The following RUNX2 variants were observed in gnomAD, a reference collection of about 807,000 sequenced individuals.
RUNX2 encodes RUNX family transcription factor 2, also known as runt-related transcription factor 2.
RUNX2 carries 10 observed loss-of-function variants against 51.7 expected under a neutral mutation model. The ratio of observed to expected loss-of-function variants is 0.19; its 90% CI spans 0.12 to 0.33. The LOEUF (loss-of-function observed/expected upper bound fraction) is 0.33. Among genes scored for constraint, RUNX2 ranks in the 10% least tolerant of loss-of-function variants. The probability of loss-of-function intolerance (pLI) is 1.00; values close to 1 mark genes in which losing one functional copy is unlikely to be tolerated. For missense variants in RUNX2, 562 were observed against 691.3 expected (o/e 0.81, Z 2.10); for synonymous variants, 276 against 273.6 (o/e 1.01, Z -0.09).
At chr6:45,536,323 G>T (rs1053859291) in intron 7 of RUNX2, among the ~76,000 whole-genome samples, 2 of 152,124 alleles carry the variant, frequency 1.3e-5, no homozygotes, top group Non-Finnish European at 2.9e-5. Context: ...GTCCTCACAG[G>T]ATACAGTTTG....
intron 2 of RUNX2, among the ~76,000 whole-genome samples, chr6:45,341,976 G>A (rs752901931): frequency 6.6e-6 from 1 of 151,858 alleles, no homozygotes; most frequent in African/African-American, 2.4e-5. Context: ...ATAACATGGT[G>A]ATTTAGTAGT....
At chr6:45,505,664 CAG>C (rs773543609) in intron 6 of RUNX2, among the ~76,000 whole-genome samples, 51 of 152,156 alleles carry the variant, frequency 3.4e-4, no homozygotes, top group Admixed American at 1.0e-3. Flanking sequence ...CAACTTGAGA[CAG>C]AGGAACCACC....
chr6:45,396,129 A>G (rs1217665027), intron 2 of RUNX2, among the ~76,000 whole-genome samples: 1 of 152,222 alleles, frequency 6.6e-6, no homozygotes, highest in East Asian at 1.9e-4. Context: ...CCTAATAGAT[A>G]CCATAATATG....
intron 2 of RUNX2, among the ~76,000 whole-genome samples, chr6:45,382,015 C>A (rs1797249930): frequency 6.6e-6 from 1 of 152,084 alleles, no homozygotes; most frequent in South Asian, 2.1e-4. Context: ...TGCTTGGCTG[C>A]TGAAAAAATG....
rs114897742 is a variant in RUNX2 at position 45,547,152 on chromosome 6, G to C, written c.1413G>C (p.Pro471=). 3.7e-6 allele frequency: 6 copies of C among 1,613,930 alleles called. No individual in the cohort carries two copies. Among genetic ancestry groups the C allele is most frequent in the Non-Finnish European group, 8.5e-7 (1 of 1,180,022 alleles). ...GGDRSPSRML[P]PCTTTSNGST... ...ACCGGTCTCCTTCCAGAATGCTTCC[G>C]CCATGCACCACCACCTCGAATGGCA... Residue 471 remains proline, a synonymous_variant, in exon 9 of 9, where the codon CCG becomes CCC. Transcript: ENST00000647337.
intron 2 of RUNX2, among the ~76,000 whole-genome samples, chr6:45,410,814 G>T (rs1797935392): frequency 6.6e-6 from 1 of 152,166 alleles, no homozygotes. Flanking sequence ...GAAACAATTA[G>T]TTTGGCATAT....
At chr6:45,370,575 GAT>G (rs768452346) in intron 2 of RUNX2, among the ~76,000 whole-genome samples, 10 of 152,156 alleles carry the variant, frequency 6.6e-5, no homozygotes, top group Non-Finnish European at 1.2e-4. Context: ...TTTGTATAAG[GAT>G]ATAAGGATCA....
chr6:45,426,531 T>C (rs187530154), intron 3 of RUNX2, among the ~76,000 whole-genome samples: 54 of 152,326 alleles, frequency 3.5e-4, no homozygotes, highest in African/African-American at 1.3e-3. Flanking sequence ...TTAGTTGCCT[T>C]AAATAGCTTC....
At chr6:45,328,929 A>T (rs1786905412) in intron 2 of RUNX2, 145 bp downstream of exon 2, 1 of 868,194 alleles carries the variant, frequency 1.2e-6, no homozygotes, top group Admixed American at 2.2e-5. Context: ...TTGAAAAATG[A>T]AATTTCTGTA....
intron 3 of RUNX2, among the ~76,000 whole-genome samples, chr6:45,430,697 A>C (rs956966447): frequency 2.6e-5 from 4 of 152,172 alleles, no homozygotes; most frequent in African/African-American, 4.8e-5. Flanking sequence ...TAGAAGGAGA[A>C]AAAGATAAGT....
intron 2 of RUNX2, among the ~76,000 whole-genome samples, chr6:45,418,423 A>G (rs1437346096): frequency 6.6e-6 from 1 of 152,210 alleles, no homozygotes; most frequent in Non-Finnish European, 1.5e-5. Context: ...TTTCAGAAAA[A>G]AAGTGTATAC....
intron 2 of RUNX2, among the ~76,000 whole-genome samples, chr6:45,351,367 G>A (rs951882910): frequency 5.3e-5 from 8 of 151,932 alleles, no homozygotes; most frequent in Non-Finnish European, 1.0e-4. Flanking sequence ...TACGTACCAG[G>A]CACTGTAAAA....
chr6:45,461,149 T>C (rs1799465517), intron 5 of RUNX2, among the ~76,000 whole-genome samples: 1 of 152,158 alleles, frequency 6.6e-6, no homozygotes, highest in South Asian at 2.1e-4. Context: ...GAAAATCACA[T>C]TGAATAGGTA....
At chr6:45,394,958 G>GT (rs1302995908) in intron 2 of RUNX2, among the ~76,000 whole-genome samples, 1 of 152,044 alleles carries the variant, frequency 6.6e-6, no homozygotes, top group Non-Finnish European at 1.5e-5. Flanking sequence ...ATGGGTGTGT[G>GT]TGGGGGGGAG....
chr6:45,526,886 G>A (rs958928217), intron 7 of RUNX2, among the ~76,000 whole-genome samples: 8 of 152,156 alleles, frequency 5.3e-5, no homozygotes, highest in Non-Finnish European at 1.2e-4. Flanking sequence ...TTAATAGGTT[G>A]TTATGGGGAC....
At chr6:45,377,937 C>G (rs1269719669) in intron 2 of RUNX2, 2 of 138,144 alleles carry the variant, frequency 1.4e-5, no homozygotes, top group South Asian at 2.3e-4. Flanking sequence ...GGCTGTGTGA[C>G]GGGGCGATGG....
At chr6:45,333,669 C>T (rs547813376) in intron 2 of RUNX2, among the ~76,000 whole-genome samples, 1 of 151,192 alleles carries the variant, frequency 6.6e-6, no homozygotes, top group South Asian at 2.1e-4. Flanking sequence ...ATCATTTAAC[C>T]TGATATAAAA....
chr6:45,351,075 C>T (rs760150646), intron 2 of RUNX2, among the ~76,000 whole-genome samples: 2 of 152,240 alleles, frequency 1.3e-5, no homozygotes, highest in Non-Finnish European at 2.9e-5. Flanking sequence ...CAAAACCATA[C>T]GCCCCATGTC....
chr6:45,374,397 T>A (rs904952623), intron 2 of RUNX2, among the ~76,000 whole-genome samples: 1 of 152,218 alleles, frequency 6.6e-6, no homozygotes, highest in Non-Finnish European at 1.5e-5. Flanking sequence ...CATTACCATC[T>A]TCATTTTATA....
Sources: allele counts gnomAD v4.1 joint callset (sites outside exome capture counted in the v4.1 genomes callset), GRCh38; gene constraint gnomAD v4.1.1; transcripts MANE v1.5; gene names NCBI Gene and HGNC (gene_info 2026-07-23, HGNC 2026-07-21).